Variants in PLAG1 observed in about 807,000 individuals in gnomAD.
PLAG1 encodes the protein zinc finger protein PLAG1.
PLAG1 carries 7 observed loss-of-function variants against 35.5 expected under a neutral mutation model. The ratio of observed to expected loss-of-function variants is 0.20; its 90% confidence interval spans 0.11 to 0.37. The LOEUF (loss-of-function observed/expected upper bound fraction) is 0.37, where lower values mean the gene tolerates loss of function less well. PLAG1 is among the 10% of genes least tolerant of loss of function. The probability of loss-of-function intolerance (pLI) is 1.00; values close to 1 mark genes in which losing one functional copy is unlikely to be tolerated. For synonymous variants in PLAG1, 229 were observed against 225.4 expected (o/e 1.02, Z -0.14); for missense variants, 454 against 602.8 (o/e 0.75, Z 2.58).
chr8:56,163,078 C>A lies in PLAG1; in HGVS notation c.*3165G>T, dbSNP rs956202856. On this transcript the variant is annotated 3_prime_UTR_variant, in exon 5 of 5. Transcript: ENST00000316981. ...CAATGGATAGCATTGCTTACAGTGCCAAGATCCTTCCACACTCACACTTCC... is the reference window on the plus strand; with the variant it reads ...CAATGGATAGCATTGCTTACAGTGCAAAGATCCTTCCACACTCACACTTCC... 2.4e-5 allele frequency: 5 copies of A among 211,780 alleles called. No individual in the cohort carries two copies. The highest frequency in any genetic ancestry group is 1.1e-4 in the African/African-American group (5 of 44,150). 13.1% of individuals were successfully genotyped at this position (211,780 alleles called of 1,614,324 possible).
intron 1 of PLAG1, among the ~76,000 whole-genome samples, chr8:56,194,286 C>T (rs192561168): frequency 7.3e-6 from 1 of 136,724 alleles, no homozygotes; most frequent in Non-Finnish European, 1.5e-5. Flanking sequence ...AACTGCACTG[C>T]AGCCTGGGTG....
intron 2 of PLAG1, among the ~76,000 whole-genome samples, chr8:56,172,876 A>T (rs1010090809): frequency 2.6e-5 from 4 of 152,294 alleles, no homozygotes; most frequent in African/African-American, 9.6e-5. Flanking sequence ...AAGGAAATAA[A>T]TTTAAGACTT....
At chr8:56,181,791 G>A (rs771466334) in intron 1 of PLAG1, among the ~76,000 whole-genome samples, 16 of 152,038 alleles carry the variant, frequency 1.1e-4, no homozygotes, top group South Asian at 2.1e-4. Context: ...GCCATAACGT[G>A]GTATCAGAGT....
In PLAG1 at chr8:56,164,752, G is replaced by A. The variant is rs1811305699; in HGVS notation, c.*1491C>T. ...GAAGATTATGTTGGTTGTCTAATGT[G>A]AGGAAAAGCCTATAATTATTCAGTG... On this transcript the variant is annotated 3_prime_UTR_variant, in exon 5 of 5. Transcript: ENST00000316981. 1 of 214,968 alleles carries A rather than the reference G, an allele frequency of 4.7e-6. No homozygotes were observed. Among genetic ancestry groups the A allele is most frequent in the Admixed American group, 5.8e-5 (1 of 17,172 alleles). The allele number at this position is 214,968 out of a possible 1,614,324, so 13.3% of individuals were successfully genotyped here. A position where few individuals can be genotyped will look rare whatever the true frequency, so the allele number is the denominator to read the frequency against.
intron 1 of PLAG1, among the ~76,000 whole-genome samples, chr8:56,198,216 C>G (rs536357977): frequency 3.3e-5 from 5 of 152,226 alleles, no homozygotes; most frequent in Admixed American, 2.6e-4. Context: ...TGGAGGACAG[C>G]ACGTGGTCCT....
chr8:56,196,848 G>A (rs190938870), intron 1 of PLAG1, among the ~76,000 whole-genome samples: 478 of 152,066 alleles, frequency 3.1e-3, no homozygotes, highest in African/African-American at 0.011. Flanking sequence ...ATCCAGATGC[G>A]TGGGGGTGTG....
chr8:56,170,855 CTGATTTCAAATA>C (rs2129225536), intron 3 of PLAG1, among the ~76,000 whole-genome samples: 2 of 152,242 alleles, frequency 1.3e-5, no homozygotes, highest in South Asian at 4.1e-4. Context: ...GAAGATTGCA[CTGATTTCAAATA>C]TTACACTTTT....
intron 1 of PLAG1, among the ~76,000 whole-genome samples, chr8:56,191,580 T>C (rs758201728): frequency 2.8e-4 from 43 of 152,332 alleles, no homozygotes; most frequent in Middle Eastern, 3.4e-3. Context: ...ATTGCTCAGA[T>C]AGATAATAAC....
chr8:56,168,105 A>T lies in PLAG1; in HGVS notation c.165T>A (p.Ser55=). The change falls in exon 4 of 5, where the codon TCT becomes TCA. Residue 55 remains serine, a synonymous_variant. Coordinates refer to ENST00000316981, the MANE Select transcript of PLAG1 (RefSeq NM_002655.3). The stretch of plus-strand genomic sequence containing the variant: ...ACTTGTAGGGCCTCTCTCCTGTGTG[A>T]GAGTAGGAGTGAACCTTTAATTTCT... The part of the protein sequence containing the change: ...SVEKLKVHSY[S]HTGERPYKCI... 6.2e-7 allele frequency: 1 copy of T among 1,613,114 alleles called. No individual in the cohort carries two copies. Among genetic ancestry groups the T allele is most frequent in the Non-Finnish European group, 8.5e-7 (1 of 1,179,110 alleles).
In PLAG1 at chr8:56,162,741, A is replaced by G. The variant is rs535539090; in HGVS notation, c.*3502T>C. On this transcript the variant is annotated 3_prime_UTR_variant, in exon 5 of 5. Coordinates refer to ENST00000316981, the MANE Select transcript of PLAG1 (RefSeq NM_002655.3). ...TGAAAATATGTACTCTTTAACATTC[A>G]TTATTAGCTTAATAAAGCAATCGGC... 9.9e-4 allele frequency: 208 copies of G among 209,594 alleles called. No homozygotes were observed. The highest frequency in any genetic ancestry group is 2.4e-4 in the Admixed American group (4 of 16,940). 13.0% of individuals were successfully genotyped at this position (209,594 alleles called of 1,614,324 possible).
intron 1 of PLAG1, among the ~76,000 whole-genome samples, chr8:56,209,942 A>C (rs952042144): frequency 1.3e-5 from 2 of 152,094 alleles, no homozygotes; most frequent in Non-Finnish European, 2.9e-5. Context: ...TTTTCCACCC[A>C]AAAAAACCCC....
chr8:56,169,261 T>C (rs948122788), intron 3 of PLAG1, among the ~76,000 whole-genome samples: 2 of 152,182 alleles, frequency 1.3e-5, no homozygotes, highest in African/African-American at 4.8e-5. Context: ...CTGTGTGGAC[T>C]TCTGACATGG....
At chr8:56,203,848 C>T (rs1322376833) in intron 1 of PLAG1, among the ~76,000 whole-genome samples, 2 of 151,934 alleles carry the variant, frequency 1.3e-5, no homozygotes, top group Non-Finnish European at 2.9e-5. Context: ...GAAATTTATA[C>T]AATTAAATTA....
At chr8:56,206,216 T>A (rs1245031435) in intron 1 of PLAG1, among the ~76,000 whole-genome samples, 2 of 151,956 alleles carry the variant, frequency 1.3e-5, no homozygotes, top group African/African-American at 4.8e-5. Flanking sequence ...GGGATAGCTA[T>A]AAACAGTGAG....
chr8:56,165,393 G>A lies in PLAG1; in HGVS notation c.*850C>T. On this transcript the variant is annotated 3_prime_UTR_variant, in exon 5 of 5. Transcript: ENST00000316981. The stretch of plus-strand genomic sequence containing the variant: ...GCTGGCTGCACTTGACCCACCCCTT[G>A]GATGTGAAAGGTGGAAAAGACTAAA... 9.1e-6 allele frequency: 2 copies of A among 218,602 alleles called. No individual in the cohort carries two copies. The highest frequency in any genetic ancestry group is 1.8e-5 in the Non-Finnish European group (2 of 108,914). The allele number at this position is 218,602 out of a possible 1,614,324, so 13.5% of individuals were successfully genotyped here. A position where few individuals can be genotyped will look rare whatever the true frequency, so the allele number is the denominator to read the frequency against.
At position 56,167,913 on chromosome 8, in the gene PLAG1, A is replaced by T. The variant is rs1811407990; in HGVS notation, c.242+115T>A. 1.6e-6 allele frequency: 1 copy of T among 621,706 alleles called. No homozygotes were observed. Among genetic ancestry groups the T allele is most frequent in the Non-Finnish European group, 2.8e-6 (1 of 354,874 alleles). 38.5% of individuals were successfully genotyped at this position (621,706 alleles called of 1,614,324 possible). On this transcript the variant is annotated intron_variant, in intron 4 of 4. Coordinates refer to ENST00000316981, the MANE Select transcript of PLAG1 (RefSeq NM_002655.3). This position sits in a 1 kb window ranked among gnomAD's most constrained non-coding sequence, Gnocchi z 5.9. ...TAAACCAATGTCTAATCTACTTAAC[A>T]TTTCCTCTTTGCAAATTAGCTGAAA...
chr8:56,178,380 G>GA (rs149327034), intron 2 of PLAG1, among the ~76,000 whole-genome samples: 53 of 145,590 alleles, frequency 3.6e-4, no homozygotes, highest in African/African-American at 8.6e-4. Context: ...AGTAGAAAAA[G>GA]AAAAAAAAAA....
At chr8:56,198,797 C>G (rs1812459201) in intron 1 of PLAG1, among the ~76,000 whole-genome samples, 1 of 152,048 alleles carries the variant, frequency 6.6e-6, no homozygotes, top group African/African-American at 2.4e-5. Flanking sequence ...CACCTCTGAA[C>G]TCCTTCTTAA....
At chr8:56,200,154 C>T (rs1396766578) in intron 1 of PLAG1, among the ~76,000 whole-genome samples, 5 of 152,186 alleles carry the variant, frequency 3.3e-5, no homozygotes, top group East Asian at 1.9e-4. Flanking sequence ...CTGGATTCCC[C>T]GGCCTTCCCC....
Sources: allele counts gnomAD v4.1 joint callset (sites outside exome capture counted in the v4.1 genomes callset), GRCh38; gene constraint gnomAD v4.1.1; non-coding constraint Gnocchi (gnomAD v3.1); transcripts MANE v1.5; gene names NCBI Gene and HGNC (gene_info 2026-07-23, HGNC 2026-07-21).